The following IL1RAP variants were observed in gnomAD, a reference collection of about 807,000 sequenced individuals.
The protein encoded by IL1RAP is interleukin 1 receptor accessory protein, also known as interleukin-1 receptor accessory protein.
Under a neutral mutation model 60.7 loss-of-function variants are expected in IL1RAP, and 35 were observed. The ratio of observed to expected loss-of-function variants is 0.58; its 90% CI spans 0.44 to 0.76. The LOEUF (loss-of-function observed/expected upper bound fraction) is 0.76, where lower values mean the gene tolerates loss of function less well. Ranked by LOEUF, IL1RAP falls within the 30% of genes least tolerant of loss-of-function variation. The pLI, the probability that IL1RAP is intolerant of heterozygous loss-of-function variation, is 0.00. For missense variants in IL1RAP, 572 were observed against 693.9 expected (o/e 0.82, Z 1.97); for synonymous variants, 268 against 250.9 (o/e 1.07, Z -0.64).
intron 1 of IL1RAP, chr3:190,520,653 A>C (rs1272129664): frequency 6.6e-6 from 1 of 152,174 alleles, no homozygotes; most frequent in Non-Finnish European, 1.5e-5. Flanking sequence ...AGATTTCTAA[A>C]AGCATTGAAG....
chr3:190,632,847 A>G (rs138468394), intron 9 of IL1RAP, among the ~76,000 whole-genome samples: 1 of 152,088 alleles, frequency 6.6e-6, no homozygotes, highest in Non-Finnish European at 1.5e-5. Context: ...ATATTGAAAA[A>G]TCTTTCCTTT....
rs549689744 is a variant in IL1RAP, at chr3:190,529,782, A to G, written c.-89+15563A>G. 1.9e-4 allele frequency among the ~76,000 whole-genome samples: 28 copies of G among 147,546 alleles called. No homozygotes were observed. In the Middle Eastern group the frequency reaches 0.018, roughly 93 times the overall value. ...GGCAGGAGAATTGCTTGAATCCGGG[A>G]GGCGGAGGTTGCAGTGAGCCGAAGA... On this transcript the variant is annotated intron_variant, in intron 1 of 11. Coordinates refer to ENST00000447382, the MANE Select transcript of IL1RAP (RefSeq NM_002182.4).
chr3:190,651,098 C>T lies in IL1RAP; in HGVS notation c.*2393C>T. Reference sequence around the variant, plus strand: ...TTTTTTTTAATGTTCCAGAAGATGGCCAATAGAGAACATTCAAGGGAAATG... The same window carrying T: ...TTTTTTTTAATGTTCCAGAAGATGGTCAATAGAGAACATTCAAGGGAAATG... On this transcript the variant is annotated 3_prime_UTR_variant, in exon 12 of 12. Transcript: ENST00000447382. 1.0e-6 allele frequency: 1 copy of T among 984,410 alleles called. No individual in the cohort carries two copies. The highest frequency in any genetic ancestry group is 1.2e-6 in the Non-Finnish European group (1 of 829,490). 61.0% of individuals were successfully genotyped at this position (984,410 alleles called of 1,614,324 possible). A position where few individuals can be genotyped will look rare whatever the true frequency, so the allele number is the denominator to read the frequency against.
At chr3:190,573,592 A>C (rs1727191783) in intron 3 of IL1RAP, among the ~76,000 whole-genome samples, 1 of 152,160 alleles carries the variant, frequency 6.6e-6, no homozygotes, top group Admixed American at 6.5e-5. Context: ...TGGTTGTTTT[A>C]TTAAGGCAAA....
chr3:190,521,082 T>C (rs1262995457), intron 1 of IL1RAP, among the ~76,000 whole-genome samples: 1 of 152,178 alleles, frequency 6.6e-6, no homozygotes, highest in Non-Finnish European at 1.5e-5. Context: ...TAAGTGTCAA[T>C]CATATGCCAT....
At chr3:190,583,393 C>T (rs1482353189) in intron 3 of IL1RAP, among the ~76,000 whole-genome samples, 2 of 152,168 alleles carry the variant, frequency 1.3e-5, no homozygotes, top group Non-Finnish European at 2.9e-5. Context: ...GGTATATATG[C>T]CAGAGAGTTC....
downstream of IL1RAP, chr3:190,655,739 G>T: frequency 1.6e-6 from 1 of 643,368 alleles, no homozygotes; most frequent in Middle Eastern, 4.2e-4. Flanking sequence ...GAGTGGTGTA[G>T]ATTTTTTTGA....
intron 9 of IL1RAP, among the ~76,000 whole-genome samples, chr3:190,638,498 C>T (rs1733399864): frequency 6.6e-6 from 1 of 152,132 alleles, no homozygotes; most frequent in South Asian, 2.1e-4. Context: ...TTCATCTGTC[C>T]TGGATACCAG....
At chr3:190,538,051 T>A (rs1723616586) in intron 1 of IL1RAP, among the ~76,000 whole-genome samples, 4 of 152,164 alleles carry the variant, frequency 2.6e-5, no homozygotes, top group African/African-American at 9.7e-5. Flanking sequence ...TTCTGGTCCC[T>A]AAGTACCCAC....
chr3:190,556,416 G>A lies in IL1RAP; in HGVS notation c.-2+200G>A, dbSNP rs2108606793. Among the ~76,000 whole-genome samples the A allele has an allele frequency of 1.3e-5, 2 of 151,874 alleles. 1 individual carries two copies. The highest frequency in any genetic ancestry group is 4.2e-4 in the South Asian group (2 of 4,812). Reference sequence around the variant, plus strand: ...TATGTATACACACACACACACATATGTATGTTTTCACATGTCACATCCTTT... The same window carrying A: ...TATGTATACACACACACACACATATATATGTTTTCACATGTCACATCCTTT... On this transcript the variant is annotated intron_variant, in intron 2 of 11. Transcript: ENST00000447382.
At position 190,520,100 on chromosome 3, in the gene IL1RAP, G is replaced by T. The variant is rs577679154; in HGVS notation, c.-89+5881G>T. ...AGTATATTGAGTAGATGCCCCAGCTGGTCTAAGAGAATGTGCCACAGTTTG... is the reference window on the plus strand; with the variant it reads ...AGTATATTGAGTAGATGCCCCAGCTTGTCTAAGAGAATGTGCCACAGTTTG... On this transcript the variant is annotated intron_variant, in intron 1 of 11. Coordinates refer to ENST00000447382, the MANE Select transcript of IL1RAP (RefSeq NM_002182.4). Among the ~76,000 whole-genome samples the T allele has an allele frequency of 1.4e-4, 22 of 152,206 alleles. 1 individual carries two copies. Among genetic ancestry groups the T allele is most frequent in the African/African-American group, 5.3e-4 (22 of 41,534 alleles).
At chr3:190,623,060 C>G (rs887168832) in intron 6 of IL1RAP, among the ~76,000 whole-genome samples, 1 of 152,158 alleles carries the variant, frequency 6.6e-6, no homozygotes, top group Non-Finnish European at 1.5e-5. Flanking sequence ...AATATTAAAA[C>G]AATAGATGCT....
Position 190,553,417 on chromosome 3 carries a change from G to C in IL1RAP, c.-88-2713G>C, listed in dbSNP as rs371457694. 3.9e-5 allele frequency among the ~76,000 whole-genome samples: 6 copies of C among 152,320 alleles called. No individual in the cohort carries two copies. The South Asian group carries it at 6.2e-4, about 16-fold the overall frequency. The stretch of plus-strand genomic sequence containing the variant: ...ACGCTTAAAAGTCAACTCCTGACCT[G>C]ATGGAGAAAAGGAAAGAAAAAAATT... On this transcript the variant is annotated intron_variant, in intron 1 of 11. Transcript: ENST00000447382.
chr3:190,655,902 A>C, downstream of IL1RAP: 1 of 1,536,950 alleles, frequency 6.5e-7, no homozygotes, highest in Non-Finnish European at 8.7e-7. Context: ...CAGTGGAAGC[A>C]GTTTTTGATT....
intron 1 of IL1RAP, among the ~76,000 whole-genome samples, chr3:190,534,604 G>A (rs1723273086): frequency 6.6e-6 from 1 of 152,144 alleles, no homozygotes; most frequent in African/African-American, 2.4e-5. Context: ...GGCCCGAGTA[G>A]CTGTCTTCTT....
chr3:190,551,104 C>T (rs1724822933), intron 1 of IL1RAP, among the ~76,000 whole-genome samples: 1 of 152,044 alleles, frequency 6.6e-6, no homozygotes, highest in African/African-American at 2.4e-5. Context: ...TCTTAAGGTC[C>T]CAAGATAAAT....
At chr3:190,616,028 G>C (rs1216502767) in intron 5 of IL1RAP, among the ~76,000 whole-genome samples, 3 of 152,130 alleles carry the variant, frequency 2.0e-5, no homozygotes, top group African/African-American at 7.2e-5. Context: ...TTTTCTTTCA[G>C]AGCTATACAC....
At chr3:190,519,881 T>C (rs933772715) in intron 1 of IL1RAP, among the ~76,000 whole-genome samples, 2 of 152,308 alleles carry the variant, frequency 1.3e-5, no homozygotes, top group East Asian at 1.9e-4. Context: ...CTCTATCTAA[T>C]CTGTGTGTCA....
At position 190,636,191 on chromosome 3, in the gene IL1RAP, G is replaced by A. The variant is rs530388613; in HGVS notation, c.1051+6693G>A. Among the ~76,000 whole-genome samples the A allele has an allele frequency of 3.3e-4, 50 of 152,214 alleles. No homozygotes were observed. In the South Asian group the frequency reaches 7.2e-3, roughly 22 times the overall value. ...AAAAAGACATATATTTTGTAGTTTCGAGTGGTGTCCAGTAAATGTCAACTA... is the reference window on the plus strand; with the variant it reads ...AAAAAGACATATATTTTGTAGTTTCAAGTGGTGTCCAGTAAATGTCAACTA... On this transcript the variant is annotated intron_variant, in intron 9 of 11. Transcript: ENST00000447382.
Sources: allele counts gnomAD v4.1 joint callset (sites outside exome capture counted in the v4.1 genomes callset), GRCh38; gene constraint gnomAD v4.1.1; transcripts MANE v1.5; gene names NCBI Gene and HGNC (gene_info 2026-07-23, HGNC 2026-07-21).